Variants in ADAMTS20 observed in about 807,000 individuals in gnomAD.
ADAMTS20 encodes A disintegrin and metalloproteinase with thrombospondin motifs 20.
In ADAMTS20, 225 loss-of-function variants were observed where a neutral mutation model predicts 260.1. The ratio of observed to expected loss-of-function variants is 0.87; its 90% CI spans 0.78 to 0.97. The LOEUF (loss-of-function observed/expected upper bound fraction) is 0.97. ADAMTS20 is among the 50% of genes least tolerant of loss of function. ADAMTS20 has a pLI of 0.00. For missense variants in ADAMTS20, 2,400 were observed against 2,337.7 expected (o/e 1.03, Z -0.55); for synonymous variants, 802 against 769.5 (o/e 1.04, Z -0.70).
intron 18 of ADAMTS20, among the ~76,000 whole-genome samples, chr12:43,437,263 G>C (rs1211287497): frequency 6.6e-6 from 1 of 152,010 alleles, no homozygotes; most frequent in African/African-American, 2.4e-5. Context: ...GAATTTGAGA[G>C]AATAAATTAG....
At chr12:43,478,399 A>G (rs1168674935) in intron 7 of ADAMTS20, among the ~76,000 whole-genome samples, 1 of 152,078 alleles carries the variant, frequency 6.6e-6, no homozygotes, top group Non-Finnish European at 1.5e-5. Context: ...CAGACAGCAG[A>G]ATGAGAAGAT....
In ADAMTS20 at chr12:43,375,450, T is replaced by G; in HGVS notation, c.5375A>C (p.Asn1792Thr). 1 of 1,613,476 alleles carries G rather than the reference T, an allele frequency of 6.2e-7. No individual in the cohort carries two copies. The highest frequency in any genetic ancestry group is 8.5e-7 in the Non-Finnish European group (1 of 1,179,502). ...GSRREDCECDNGHLAAGYTVF... is the reference protein window; with the variant it reads ...GSRREDCECDTGHLAAGYTVF... ...AGTGTATCCAGCAGCTAAGTGTCCA[T>G]TGTCACATTCACAGTCTTCCCTTCT... Residue 1792 changes from asparagine (N) to threonine (T), a missense_variant, in exon 36 of 39, where the codon AAT becomes ACT. By Grantham distance (65) the Asn-to-Thr change is moderately conservative. Coordinates refer to ENST00000389420, the MANE Select transcript of ADAMTS20 (RefSeq NM_025003.5).
intron 7 of ADAMTS20, among the ~76,000 whole-genome samples, chr12:43,475,095 C>T (rs149311342): frequency 0.18 from 21,238 of 117,228 alleles, 2,028 homozygotes; most frequent in South Asian, 0.31. Flanking sequence ...AAAACCCCAT[C>T]GTCTCAGCCC....
intron 7 of ADAMTS20, among the ~76,000 whole-genome samples, chr12:43,484,272 G>T (rs921977498): frequency 2.0e-5 from 3 of 152,086 alleles, no homozygotes; most frequent in Admixed American, 1.3e-4. Context: ...ATTAAAAACA[G>T]GGTTCTGTGA....
At chr12:43,499,574 T>C (rs1268448303) in intron 4 of ADAMTS20, among the ~76,000 whole-genome samples, 1 of 150,950 alleles carries the variant, frequency 6.6e-6, no homozygotes, top group Non-Finnish European at 1.5e-5. Flanking sequence ...GAACCGAGAT[T>C]CCCAGTGGCA....
intron 11 of ADAMTS20, among the ~76,000 whole-genome samples, chr12:43,457,097 C>A (rs1341736947): frequency 6.6e-6 from 1 of 152,214 alleles, no homozygotes; most frequent in Non-Finnish European, 1.5e-5. Context: ...AGTTCTTATT[C>A]TCTGTCTTCC....
intron 8 of ADAMTS20, 54 bp from the exon 9 acceptor site, chr12:43,466,849 A>C: frequency 7.7e-7 from 1 of 1,303,130 alleles, no homozygotes; most frequent in Non-Finnish European, 1.1e-6. Context: ...TTACGATATT[A>C]GTAATAGATC....
At chr12:43,507,029 T>TTATA (rs551190847) in intron 3 of ADAMTS20, among the ~76,000 whole-genome samples, 13,829 of 152,070 alleles carry the variant, frequency 0.091, 786 homozygotes, top group Admixed American at 0.19. Flanking sequence ...GGGAATTGAA[T>TTATA]GTACAGCATA....
chr12:43,546,720 T>C (rs1401510785), intron 2 of ADAMTS20, among the ~76,000 whole-genome samples: 1 of 152,196 alleles, frequency 6.6e-6, no homozygotes, highest in Non-Finnish European at 1.5e-5. Flanking sequence ...ATCAATGGAT[T>C]AAAAACATAG....
intron 2 of ADAMTS20, among the ~76,000 whole-genome samples, chr12:43,543,180 G>T (rs1460250102): frequency 6.6e-6 from 1 of 152,034 alleles, no homozygotes; most frequent in African/African-American, 2.4e-5. Flanking sequence ...GGTGTGGGGG[G>T]GTGTGCCTGT....
intron 28 of ADAMTS20, among the ~76,000 whole-genome samples, chr12:43,414,202 C>T (rs1941087727): frequency 6.6e-6 from 1 of 152,114 alleles, no homozygotes; most frequent in Non-Finnish European, 1.5e-5. Context: ...GTTTTCTCTC[C>T]TAAAAAGTTT....
At chr12:43,505,170 A>C (rs1236910152) in intron 3 of ADAMTS20, among the ~76,000 whole-genome samples, 1 of 152,172 alleles carries the variant, frequency 6.6e-6, no homozygotes, top group African/African-American at 2.4e-5. Context: ...TAAAAGACCC[A>C]AGATATTAAA....
chr12:43,496,866 A>G (rs1408174850), intron 4 of ADAMTS20, among the ~76,000 whole-genome samples: 1 of 152,090 alleles, frequency 6.6e-6, no homozygotes, highest in Admixed American at 6.6e-5. Context: ...CACATATTAA[A>G]TCTATGAGAC....
intron 7 of ADAMTS20, among the ~76,000 whole-genome samples, 182 bp downstream of exon 7, chr12:43,490,209 TGTTA>T (rs1942580373): frequency 6.6e-6 from 1 of 152,056 alleles, no homozygotes; most frequent in South Asian, 2.1e-4. Context: ...TGCAAATAAA[TGTTA>T]GTTCTTATCA....
chr12:43,508,726 A>C (rs1479658094), intron 3 of ADAMTS20, among the ~76,000 whole-genome samples: 1 of 152,202 alleles, frequency 6.6e-6, no homozygotes, highest in African/African-American at 2.4e-5. Context: ...GGTATAAATC[A>C]TCTCAAGCAT....
chr12:43,469,604 A>G (rs1056898406), intron 7 of ADAMTS20, among the ~76,000 whole-genome samples: 3 of 151,442 alleles, frequency 2.0e-5, no homozygotes, highest in African/African-American at 7.4e-5. Context: ...CTGCTTTCCT[A>G]GAACTCTTCC....
At chr12:43,417,837 T>A (rs1433903009) in intron 28 of ADAMTS20, among the ~76,000 whole-genome samples, 1 of 152,196 alleles carries the variant, frequency 6.6e-6, no homozygotes, top group African/African-American at 2.4e-5. Flanking sequence ...CTCATTAGAT[T>A]TCCTGACAGA....
chr12:43,370,718 A>G (rs1024392532), intron 36 of ADAMTS20, among the ~76,000 whole-genome samples: 1 of 152,140 alleles, frequency 6.6e-6, no homozygotes, highest in African/African-American at 2.4e-5. Context: ...CTTTTTCTCC[A>G]AATTTATTTG....
intron 36 of ADAMTS20, among the ~76,000 whole-genome samples, chr12:43,373,670 CTTTTTTTT>C (rs71091149): frequency 1.4e-5 from 1 of 71,262 alleles, no homozygotes; most frequent in Non-Finnish European, 2.4e-5. Context: ...AATATCATCT[CTTTTTTTT>C]TTTTTTTTTT....
Sources: gnomAD v4.1 joint callset for allele counts (sites outside exome capture counted in the v4.1 genomes callset) on GRCh38, gnomAD v4.1.1 for gene constraint, MANE v1.5 for transcripts, NCBI Gene and HGNC (gene_info 2026-07-23, HGNC 2026-07-21) for gene names.